KCMF1: variants seen among roughly 807,000 people sequenced by gnomAD.
The protein encoded by KCMF1 is potassium channel modulatory factor 1, also known as E3 ubiquitin-protein ligase KCMF1.
A neutral mutation model predicts 41.1 loss-of-function variants in KCMF1; 3 were observed. That is an observed-to-expected ratio of 0.07 (90% CI 0.03 to 0.19). The LOEUF (loss-of-function observed/expected upper bound fraction) is 0.19. KCMF1 is among the 10% of genes least tolerant of loss of function. KCMF1 has a pLI of 1.00. For missense variants in KCMF1, 286 were observed against 488.9 expected, an observed-to-expected ratio of 0.58 and a Z score of 3.91; for synonymous variants, 142 against 164.5, an observed-to-expected ratio of 0.86 and a Z score of 1.04.
chr2:84,971,732 G>A (rs1673399483), intron 1 of KCMF1, among the ~76,000 whole-genome samples: 1 of 151,244 alleles, frequency 6.6e-6, no homozygotes, highest in Non-Finnish European at 1.5e-5. Context: ...GGGCGGAGGG[G>A]GAGGGGAGGC....
intron 3 of KCMF1, among the ~76,000 whole-genome samples, chr2:85,042,368 G>A (rs763179953): frequency 1.4e-4 from 21 of 152,026 alleles, no homozygotes; most frequent in African/African-American, 3.4e-4. Flanking sequence ...TTTTCCCTCC[G>A]TACCCCAGGA....
rs775104161 is a variant in KCMF1 at position 85,049,563 on chromosome 2, A to G, written c.799A>G (p.Ile267Val). ...RTNTSSVTTT[I>V]TQSTATTNIA... ...TAACACAAGCAGTGTCACCACTACA[A>G]TCACACAATCCACAGCAACAACCAA... Residue 267 changes from isoleucine to valine, a missense_variant, in exon 6 of 7, where the codon ATC becomes GTC. Coordinates refer to ENST00000409785, the MANE Select transcript of KCMF1 (RefSeq NM_020122.5). The G allele has an allele frequency of 6.2e-6, 10 of 1,614,016 alleles. No homozygotes were observed. Among genetic ancestry groups the G allele is most frequent in the Non-Finnish European group, 7.6e-6 (9 of 1,179,890 alleles).
At chr2:85,019,951 T>A (rs1029129401) in intron 1 of KCMF1, among the ~76,000 whole-genome samples, 25 of 151,910 alleles carry the variant, frequency 1.6e-4, no homozygotes, top group Middle Eastern at 3.4e-3. Context: ...ATAGTAAATT[T>A]AAAAAAAACC....
intron 5 of KCMF1, among the ~76,000 whole-genome samples, chr2:85,046,923 C>G (rs1675678992): frequency 6.6e-6 from 1 of 152,074 alleles, no homozygotes; most frequent in African/African-American, 2.4e-5. Context: ...ACATAACTTT[C>G]ATAGTATATT....
chr2:85,041,467 A>G (rs960011030), intron 3 of KCMF1, among the ~76,000 whole-genome samples: 10 of 152,146 alleles, frequency 6.6e-5, no homozygotes, highest in African/African-American at 9.7e-5. Flanking sequence ...TCATCTACCA[A>G]CATTTTTATG....
rs1032576805 is a variant in KCMF1 at position 85,037,355 on chromosome 2, C to T, written c.324+2200C>T. On this transcript the variant is annotated intron_variant, in intron 3 of 6. Transcript: ENST00000409785. ...TTAATATAAAAGTACAGGATTTCTT[C>T]AGGTCATGTGGGTCAAGTCCTAGAG... 5.3e-5 allele frequency among the ~76,000 whole-genome samples: 8 copies of T among 152,144 alleles called. No individual in the cohort carries two copies. In the East Asian group the frequency reaches 1.5e-3, roughly 29 times the overall value.
In KCMF1 at chr2:85,049,590, A is replaced by G; in HGVS notation, c.826A>G (p.Ile276Val). 1.9e-6 allele frequency: 3 copies of G among 1,613,934 alleles called. No individual in the cohort carries two copies. The highest frequency in any genetic ancestry group is 1.7e-6 in the Non-Finnish European group (2 of 1,179,848). ...TITQSTATTN[I>V]ANTESSQQTL... ...CACACAATCCACAGCAACAACCAAC[A>G]TAGCTAATACAGAAAGCAGTCAGCA... Residue 276 changes from isoleucine (I) to valine (V), a missense_variant, in exon 6 of 7, where the codon ATA becomes GTA. Physicochemically the swap from Ile to Val is conservative, Grantham distance 29. Coordinates refer to ENST00000409785, the MANE Select transcript of KCMF1 (RefSeq NM_020122.5).
At chr2:84,999,137 G>T (rs570023969) in intron 1 of KCMF1, among the ~76,000 whole-genome samples, 2 of 150,954 alleles carry the variant, frequency 1.3e-5, no homozygotes, top group Non-Finnish European at 1.5e-5. Context: ...GAGCCACTGC[G>T]CCTGGCCTCT....
chr2:85,017,169 C>T (rs928041476), intron 1 of KCMF1, among the ~76,000 whole-genome samples: 22 of 151,690 alleles, frequency 1.5e-4, no homozygotes, highest in Non-Finnish European at 3.0e-5. Context: ...GGACTACAGG[C>T]GCCCGCCACT....
intron 1 of KCMF1, among the ~76,000 whole-genome samples, chr2:84,973,933 T>C (rs191322122): frequency 1.3e-3 from 196 of 151,616 alleles, no homozygotes; most frequent in Middle Eastern, 6.8e-3. Flanking sequence ...ATTCAAGCAG[T>C]TCTCCTGCCT....
At chr2:85,018,252 G>A (rs1574027472) in intron 1 of KCMF1, among the ~76,000 whole-genome samples, 2 of 150,210 alleles carry the variant, frequency 1.3e-5, no homozygotes, top group African/African-American at 4.9e-5. Context: ...TTATGACACA[G>A]TATGACTAAG....
At chr2:85,047,057 G>A (rs565005356) in intron 5 of KCMF1, among the ~76,000 whole-genome samples, 84 of 152,180 alleles carry the variant, frequency 5.5e-4, no homozygotes, top group African/African-American at 1.9e-3. Flanking sequence ...GTATGTATAG[G>A]GTTCTGTATT....
chr2:85,011,254 A>T (rs1674646323), intron 1 of KCMF1, among the ~76,000 whole-genome samples: 1 of 152,120 alleles, frequency 6.6e-6, no homozygotes, highest in Non-Finnish European at 1.5e-5. Context: ...TTTCTTCATT[A>T]GTCATTTCTA....
At chr2:84,993,072 A>G (rs1674084069) in intron 1 of KCMF1, among the ~76,000 whole-genome samples, 1 of 151,920 alleles carries the variant, frequency 6.6e-6, no homozygotes, top group Non-Finnish European at 1.5e-5. Context: ...CTGTAGTCCC[A>G]GCTACTTGGG....
At chr2:85,009,767 C>G (rs1285597437) in intron 1 of KCMF1, among the ~76,000 whole-genome samples, 1 of 152,158 alleles carries the variant, frequency 6.6e-6, no homozygotes, top group Non-Finnish European at 1.5e-5. Context: ...CCTTGAGTTC[C>G]TGGGGGTCAG....
chr2:85,028,971 T>G (rs553656295), intron 2 of KCMF1, among the ~76,000 whole-genome samples: 1 of 152,090 alleles, frequency 6.6e-6, no homozygotes, highest in African/African-American at 2.4e-5. Flanking sequence ...TTATTTTATT[T>G]TATTTTTTAT....
intron 1 of KCMF1, among the ~76,000 whole-genome samples, chr2:84,972,839 A>G (rs1327217801): frequency 2.6e-5 from 4 of 152,226 alleles, no homozygotes; most frequent in Non-Finnish European, 4.4e-5. Context: ...GAAATATACT[A>G]TATTTTCTTC....
At chr2:85,024,332 G>T (rs564438652) in intron 1 of KCMF1, among the ~76,000 whole-genome samples, 1 of 152,252 alleles carries the variant, frequency 6.6e-6, no homozygotes, top group South Asian at 2.1e-4. Context: ...AATTAGCTGG[G>T]CATGGTGCCA....
At chr2:84,987,978 T>C (rs1052835613) in intron 1 of KCMF1, among the ~76,000 whole-genome samples, 1 of 152,150 alleles carries the variant, frequency 6.6e-6, no homozygotes, top group Middle Eastern at 3.4e-3. Flanking sequence ...CCCAGCACTT[T>C]GGGAGGCCGA....
Sources: gnomAD v4.1 joint callset for allele counts (sites outside exome capture counted in the v4.1 genomes callset) on GRCh38, gnomAD v4.1.1 for gene constraint, MANE v1.5 for transcripts, NCBI Gene and HGNC (gene_info 2026-07-23, HGNC 2026-07-21) for gene names.